The following MYO7A variants were observed in gnomAD, a reference collection of about 807,000 sequenced individuals.
MYO7A encodes myosin VIIA.
MYO7A carries 210 observed loss-of-function variants against 263.8 expected under a neutral mutation model. The observed-to-expected ratio is 0.80, with a 90% confidence interval of 0.71 to 0.89. The LOEUF (loss-of-function observed/expected upper bound fraction) is 0.89, where lower values mean the gene tolerates loss of function less well. MYO7A is among the 40% of genes least tolerant of loss of function. MYO7A has a pLI of 0.00. For missense variants in MYO7A, 2,820 were observed against 2,968.3 expected (o/e 0.95, Z 1.16); for synonymous variants, 1,239 against 1,197.3 (o/e 1.03, Z -0.72).
At chr11:77,198,764 A>G (rs1956863156) in intron 34 of MYO7A, 143 bp downstream of exon 34, 1 of 1,295,606 alleles carries the variant, frequency 7.7e-7, no homozygotes, top group Admixed American at 2.2e-5. Context: ...CACTGTGCAG[A>G]CCCCTCTGGC....
chr11:77,159,403 G>GGGCC (rs1555066730), intron 9 of MYO7A, 44 bp from the exon 10 acceptor site: 31 of 711,658 alleles, frequency 4.4e-5, no homozygotes, highest in Non-Finnish European at 5.3e-5. Flanking sequence ...TGCCCCTGTT[G>GGGCC]CCCACCCTCC....
In MYO7A at chr11:77,156,107, C is replaced by T. The variant is rs1555061954; in HGVS notation, c.470+16C>T. ...GCATCATCAGGTGGGCGGCCCAGCA[C>T]CTGTGTGGAGCTCCAGGCTTAGGAC... On this transcript the variant is annotated intron_variant, in intron 5 of 48. Coordinates refer to ENST00000409709, the MANE Select transcript of MYO7A (RefSeq NM_000260.4). The T allele has an allele frequency of 6.2e-7, 1 of 1,612,668 alleles. No individual in the cohort carries two copies. The highest frequency in any genetic ancestry group is 8.5e-7 in the Non-Finnish European group (1 of 1,179,384).
Position 77,213,038 on chromosome 11 carries a change from G to A in MYO7A, c.6438+3G>A, listed in dbSNP as rs758382885. On this transcript the variant is annotated splice_donor_region_variant and intron_variant, in intron 47 of 48. Coordinates refer to ENST00000409709, the MANE Select transcript of MYO7A (RefSeq NM_000260.4). The stretch of plus-strand genomic sequence containing the variant: ...GCCTCATCGATCCCAAAACGAAGGT[G>A]AGCAGGGATAAGGCAGCAAGTGGGG... 6 of 1,569,026 alleles carry A rather than the reference G, an allele frequency of 3.8e-6. No individual in the cohort carries two copies. Among genetic ancestry groups the A allele is most frequent in the East Asian group, 4.7e-5 (2 of 42,534 alleles).
At chr11:77,213,162 G>C (rs1006822995) in intron 47 of MYO7A, 127 bp downstream of exon 47, 14 of 735,170 alleles carry the variant, frequency 1.9e-5, no homozygotes, top group Middle Eastern at 3.9e-4. Flanking sequence ...CCATCACGTG[G>C]CTTCAAAAGC....
intron 11 of MYO7A, 76 bp downstream of exon 11, chr11:77,160,358 A>G: frequency 6.7e-7 from 1 of 1,502,536 alleles, no homozygotes. Context: ...GGTGCCAAGG[A>G]GTCCTGGGAG....
intron 2 of MYO7A, among the ~76,000 whole-genome samples, chr11:77,133,357 AG>A (rs1950820319): frequency 1.3e-5 from 2 of 152,328 alleles, no homozygotes; most frequent in East Asian, 3.9e-4. Context: ...TGGTGGTGCC[AG>A]GGTAGGGACT....
intron 2 of MYO7A, 165 bp from the exon 3 acceptor site, chr11:77,142,544 C>A (rs781990122): frequency 5.8e-6 from 4 of 694,016 alleles, no homozygotes; most frequent in Non-Finnish European, 1.1e-5. Flanking sequence ...CAGCCCAGGG[C>A]CTGCACTGCT....
intron 39 of MYO7A, among the ~76,000 whole-genome samples, chr11:77,204,539 G>A (rs1488685809): frequency 6.6e-6 from 1 of 152,216 alleles, no homozygotes; most frequent in Non-Finnish European, 1.5e-5. Flanking sequence ...CTGTCTGCCT[G>A]CAGGTCCAGC....
intron 38 of MYO7A, among the ~76,000 whole-genome samples, chr11:77,203,490 G>A (rs1957219914): frequency 6.6e-6 from 1 of 152,198 alleles, no homozygotes; most frequent in Non-Finnish European, 1.5e-5. Flanking sequence ...TGGCCTCATG[G>A]GACCATACAC....
chr11:77,156,591 G>A, intron 5 of MYO7A, 69 bp from the exon 6 acceptor site: 1 of 1,599,324 alleles, frequency 6.3e-7, no homozygotes. Flanking sequence ...GGTGCAGCCT[G>A]GGCTGAGTTC....
chr11:77,182,134 G>A lies in MYO7A; in HGVS notation c.3088G>A (p.Asp1030Asn), dbSNP rs782564666. The A allele has an allele frequency of 6.8e-6, 11 of 1,613,380 alleles. No homozygotes were observed. In the East Asian group the frequency reaches 2.5e-4, roughly 36 times the overall value. Reference sequence around the variant, plus strand: ...ACTCAAACAGCCACTGCTCTACCATGACGACGAGGGTGACCAGCTGGTAAG... The same window carrying A: ...ACTCAAACAGCCACTGCTCTACCATAACGACGAGGGTGACCAGCTGGTAAG... ...RPLKQPLLYH[D>N]DEGDQLAALA... The change falls in exon 24 of 49, where the codon GAC (aspartate) becomes AAC (asparagine). Residue 1030 changes from aspartate (D) to asparagine (N), a missense_variant. By Grantham distance (23) the Asp-to-Asn change is conservative. Transcript: ENST00000409709.
At chr11:77,156,540 C>T (rs1427736581) in intron 5 of MYO7A, 120 bp from the exon 6 acceptor site, 9 of 1,431,356 alleles carry the variant, frequency 6.3e-6, no homozygotes, top group East Asian at 2.3e-5. Flanking sequence ...CTGGAGGGTC[C>T]GTATTGTCAG....
rs1555082572 is a variant in MYO7A at position 77,179,755 on chromosome 11, G to A, written c.2388G>A (p.Arg796=). The change falls in exon 21 of 49, where the codon CGG becomes CGA. Residue 796 remains arginine (R), a synonymous_variant. Transcript: ENST00000409709. ...NYGLMRLGFL[R]LQALHRSRKL... The stretch of plus-strand genomic sequence containing the variant: ...TGCAGATGCGTCTGGGCTTCCTGCG[G>A]CTGCAGGCCCTGCACCGCTCCCGGA... 2.6e-6 allele frequency: 4 copies of A among 1,545,172 alleles called. No individual in the cohort carries two copies. Among genetic ancestry groups the A allele is most frequent in the Non-Finnish European group, 3.5e-6 (4 of 1,145,094 alleles).
chr11:77,213,770 A>G, intron 47 of MYO7A, 90 bp from the exon 48 acceptor site: 1 of 1,582,620 alleles, frequency 6.3e-7, no homozygotes, highest in South Asian at 1.1e-5. Context: ...GGCTCCTCTG[A>G]GGGCCTGAGG....
At chr11:77,182,731 G>T in intron 25 of MYO7A, 131 bp downstream of exon 25, 1 of 977,934 alleles carries the variant, frequency 1.0e-6, no homozygotes. Context: ...ACCCCTGCCT[G>T]CCACCCTCCT....
intron 4 of MYO7A, 48 bp from the exon 5 acceptor site, chr11:77,155,859 A>G: frequency 6.6e-7 from 1 of 1,504,978 alleles, no homozygotes; most frequent in Non-Finnish European, 8.9e-7. Context: ...CTAGAGTCAG[A>G]GTCTCCCACA....
chr11:77,150,894 C>T (rs1468598512), intron 4 of MYO7A, among the ~76,000 whole-genome samples: 4 of 152,190 alleles, frequency 2.6e-5, no homozygotes, highest in Non-Finnish European at 5.9e-5. Flanking sequence ...ACTGGGCCAT[C>T]GTCCCACCCG....
chr11:77,147,974 C>G (rs1951698194), intron 4 of MYO7A, 24 bp downstream of exon 4: 1 of 1,515,644 alleles, frequency 6.6e-7, no homozygotes. Context: ...CGCCCGGTGC[C>G]CGTCCAGGCC....
rs1956924983 is a variant in MYO7A at position 77,199,680 on chromosome 11, C to T, written c.4714C>T (p.Leu1572=). The T allele has an allele frequency of 6.2e-7, 1 of 1,613,348 alleles. No homozygotes were observed. The highest frequency in any genetic ancestry group is 1.7e-5 in the Admixed American group (1 of 59,946). Reference sequence around the variant, plus strand: ...GAAAACGACGGCCCCCAGCTTCACGCTGGCCACCATCAAGGGGGACGAATA... The same window carrying T: ...GAAAACGACGGCCCCCAGCTTCACGTTGGCCACCATCAAGGGGGACGAATA... The part of the protein sequence containing the change: ...GAKTTAPSFT[L]ATIKGDEYTF... The change falls in exon 35 of 49, where the codon CTG becomes TTG. Residue 1572 remains leucine, a synonymous_variant. Coordinates refer to ENST00000409709, the MANE Select transcript of MYO7A (RefSeq NM_000260.4).
Sources: allele counts gnomAD v4.1 joint callset (sites outside exome capture counted in the v4.1 genomes callset), GRCh38; gene constraint gnomAD v4.1.1; transcripts MANE v1.5; gene names NCBI Gene and HGNC (gene_info 2026-07-23, HGNC 2026-07-21).